The following ZCCHC14 variants were observed in gnomAD, a reference collection of about 807,000 sequenced individuals.
ZCCHC14 encodes the protein zinc finger CCHC-type containing 14.
In ZCCHC14, 16 loss-of-function variants were observed where a neutral mutation model predicts 85.0. That is an observed-to-expected ratio of 0.19 (90% CI 0.13 to 0.29). The LOEUF is 0.29. Among genes scored for constraint, ZCCHC14 ranks in the 10% least tolerant of loss-of-function variants. ZCCHC14 has a pLI of 1.00. For missense variants in ZCCHC14, 1,303 were observed against 1,443.5 expected, an observed-to-expected ratio of 0.90 and a Z score of 1.58; for synonymous variants, 775 against 630.7, an observed-to-expected ratio of 1.23 and a Z score of -3.43.
intron 2 of ZCCHC14, among the ~76,000 whole-genome samples, chr16:87,440,918 C>T (rs555904723): frequency 6.6e-6 from 1 of 152,140 alleles, no homozygotes; most frequent in African/African-American, 2.4e-5. Flanking sequence ...CCCAGCCCTG[C>T]CCTTCATTTT....
intron 2 of ZCCHC14, among the ~76,000 whole-genome samples, chr16:87,450,109 T>C (rs1180700380): frequency 2.0e-5 from 3 of 152,210 alleles, no homozygotes; most frequent in Non-Finnish European, 4.4e-5. Flanking sequence ...CTAGGTCATA[T>C]ACAAGACAAC....
chr16:87,443,148 G>A (rs193033451), intron 2 of ZCCHC14, among the ~76,000 whole-genome samples: 10 of 152,290 alleles, frequency 6.6e-5, no homozygotes, highest in South Asian at 6.2e-4. Flanking sequence ...AATCATTAAC[G>A]CGGTCCCAAG....
intron 8 of ZCCHC14, 54 bp from the exon 9 acceptor site, chr16:87,415,421 G>T: frequency 1.0e-5 from 15 of 1,486,806 alleles, no homozygotes; most frequent in Non-Finnish European, 1.4e-5. Context: ...AGGACTCTGA[G>T]AACAAAGAAC....
rs1374555548 is a variant in ZCCHC14 at position 87,487,269 on chromosome 16, C to T, written c.570+4400G>A. On this transcript the variant is annotated intron_variant, in intron 1 of 12. Transcript: ENST00000671377. Reference sequence around the variant, plus strand: ...ACCACCACCCCACCACACTCCTGCACCAAAAACTTTAAAAACGTTATTTTT... The same window carrying T: ...ACCACCACCCCACCACACTCCTGCATCAAAAACTTTAAAAACGTTATTTTT... 5.3e-5 allele frequency among the ~76,000 whole-genome samples: 8 copies of T among 152,284 alleles called. No homozygotes were observed. In the East Asian group the frequency reaches 1.2e-3, roughly 22 times the overall value.
intron 9 of ZCCHC14, among the ~76,000 whole-genome samples, chr16:87,414,950 C>A (rs1306794649): frequency 6.6e-6 from 1 of 152,094 alleles, no homozygotes; most frequent in Non-Finnish European, 1.5e-5. Flanking sequence ...GGCGTGGTGG[C>A]GGGTGCCTGT....
At chr16:87,466,984 G>C (rs1257764308) in intron 1 of ZCCHC14, among the ~76,000 whole-genome samples, 2 of 149,594 alleles carry the variant, frequency 1.3e-5, no homozygotes, top group African/African-American at 2.5e-5. Flanking sequence ...ATAAAAACAA[G>C]CCCTGGAAAA....
chr16:87,433,597 CT>C lies in ZCCHC14; in HGVS notation c.695-397del, dbSNP rs577770452. 3.9e-5 allele frequency among the ~76,000 whole-genome samples: 6 copies of C among 152,346 alleles called. No individual in the cohort carries two copies. The East Asian group carries it at 1.2e-3, about 29-fold the overall frequency. ...AAAAGGTAATGCTCAGCATTTTCAACTGTGACTGTTTAAGACAATATTTCCC... is the reference window on the plus strand; with the variant it reads ...AAAAGGTAATGCTCAGCATTTTCAACGTGACTGTTTAAGACAATATTTCCC... On this transcript the variant is annotated intron_variant, in intron 2 of 12. Coordinates refer to ENST00000671377, the MANE Select transcript of ZCCHC14 (RefSeq NM_015144.3).
intron 2 of ZCCHC14, among the ~76,000 whole-genome samples, chr16:87,439,173 T>C (rs1910069842): frequency 6.6e-6 from 1 of 151,200 alleles, no homozygotes; most frequent in Admixed American, 6.6e-5. Context: ...GGAGTCTTGC[T>C]CTGTCGCCAG....
At chr16:87,467,494 A>C in intron 1 of ZCCHC14, 1 of 1,606,698 alleles carries the variant, frequency 6.2e-7, no homozygotes, top group Non-Finnish European at 8.5e-7. Flanking sequence ...ATGTACCACT[A>C]TGACATGAAT....
intron 2 of ZCCHC14, among the ~76,000 whole-genome samples, chr16:87,451,061 G>T (rs1318887005): frequency 6.6e-6 from 1 of 150,492 alleles, no homozygotes; most frequent in East Asian, 2.0e-4. Flanking sequence ...ACCATGCCCG[G>T]CTAATTTTTT....
chr16:87,444,569 GAACA>G (rs1567525744), intron 2 of ZCCHC14, among the ~76,000 whole-genome samples: 2 of 152,202 alleles, frequency 1.3e-5, no homozygotes, highest in African/African-American at 4.8e-5. Context: ...ATCAGTAACG[GAACA>G]AATTGAGAGC....
At chr16:87,437,957 G>C (rs1043484444) in intron 2 of ZCCHC14, among the ~76,000 whole-genome samples, 2 of 152,352 alleles carry the variant, frequency 1.3e-5, no homozygotes, top group Middle Eastern at 6.8e-3. Context: ...TACAGCTTCT[G>C]ATTTTTTCCT....
intron 2 of ZCCHC14, among the ~76,000 whole-genome samples, chr16:87,456,812 T>C (rs141868382): frequency 6.6e-6 from 1 of 152,324 alleles, no homozygotes; most frequent in African/African-American, 2.4e-5. Flanking sequence ...GAATCTCTAA[T>C]TTTTAAGAGT....
chr16:87,414,450 C>T lies in ZCCHC14; in HGVS notation c.1567G>A (p.Gly523Arg), dbSNP rs769358336. ...CTGCCCCGCCCCGACTGCACGGGCC[C>T]GACGTGGCTGGTGGGGGGCACTCGA... The part of the protein sequence containing the change: ...VARVPPTSHV[G>R]PVQSGRGSHA... Residue 523 changes from glycine (G) to arginine (R), a missense_variant, in exon 10 of 13, where the codon GGG (glycine) becomes AGG (arginine). Transcript: ENST00000671377. The T allele has an allele frequency of 2.5e-6, 4 of 1,613,250 alleles. No individual in the cohort carries two copies. Among genetic ancestry groups the T allele is most frequent in the South Asian group, 2.2e-5 (2 of 91,074 alleles).
At chr16:87,490,372 C>T (rs1267890783) in intron 1 of ZCCHC14, among the ~76,000 whole-genome samples, 2 of 152,228 alleles carry the variant, frequency 1.3e-5, no homozygotes, top group Non-Finnish European at 2.9e-5. Flanking sequence ...AGACTTGGTC[C>T]CGACTGCAAC....
rs377671375 is a variant in ZCCHC14 at position 87,420,879 on chromosome 16, T to C, written c.841-163A>G. Reference sequence around the variant, plus strand: ...AGCTATTCTGGGGCCCACATCCACTTAGGGTGTAGAAAGTCACAAAAGAAC... The same window carrying C: ...AGCTATTCTGGGGCCCACATCCACTCAGGGTGTAGAAAGTCACAAAAGAAC... On this transcript the variant is annotated intron_variant, in intron 4 of 12. Coordinates refer to ENST00000671377, the MANE Select transcript of ZCCHC14 (RefSeq NM_015144.3). The surrounding 1 kb of genome is among the most constrained non-coding windows in gnomAD (Gnocchi z 5.0). 3.7e-4 allele frequency among the ~76,000 whole-genome samples: 56 copies of C among 152,316 alleles called. No homozygotes were observed. Among genetic ancestry groups the C allele is most frequent in the African/African-American group, 1.3e-3 (54 of 41,576 alleles).
intron 2 of ZCCHC14, among the ~76,000 whole-genome samples, chr16:87,435,494 C>T (rs1909878326): frequency 6.6e-6 from 1 of 152,240 alleles, no homozygotes; most frequent in Admixed American, 6.5e-5. Flanking sequence ...CTGTGCCAGA[C>T]ACCACCCTGC....
chr16:87,445,644 A>G (rs1443067615), intron 2 of ZCCHC14, among the ~76,000 whole-genome samples: 2 of 152,186 alleles, frequency 1.3e-5, no homozygotes, highest in Non-Finnish European at 2.9e-5. Flanking sequence ...ATTACCAGAT[A>G]GTCCCTCAAG....
intron 1 of ZCCHC14, among the ~76,000 whole-genome samples, chr16:87,477,153 C>CAAAAAAAAAAAAAAA (rs1412376609): frequency 2.1e-4 from 24 of 116,196 alleles, no homozygotes; most frequent in African/African-American, 9.9e-4. Context: ...AAAACAAAAC[C>CAAAAAAAAAAAAAAA]AAAAAAAAAT....
Sources: gnomAD v4.1 joint callset for allele counts (sites outside exome capture counted in the v4.1 genomes callset) on GRCh38, gnomAD v4.1.1 for gene constraint, Gnocchi (gnomAD v3.1) non-coding constraint, MANE v1.5 for transcripts, NCBI Gene and HGNC (gene_info 2026-07-23, HGNC 2026-07-21) for gene names.